The following ATP8A2 variants were observed in gnomAD, a reference collection of about 807,000 sequenced individuals.
The protein encoded by ATP8A2 is phospholipid-transporting ATPase IB.
Under a neutral mutation model 165.6 loss-of-function variants are expected in ATP8A2, and 100 were observed. The observed-to-expected ratio is 0.60, with a 90% CI of 0.51 to 0.71. The LOEUF is 0.71. ATP8A2 is among the 30% of genes least tolerant of loss of function. The pLI is 0.00. For missense variants in ATP8A2, 1,227 were observed against 1,479.5 expected (o/e 0.83, Z 2.80); for synonymous variants, 543 against 548.8 (o/e 0.99, Z 0.15).
chr13:25,415,038 T>C (rs1216354088), intron 1 of ATP8A2, among the ~76,000 whole-genome samples: 5 of 152,178 alleles, frequency 3.3e-5, no homozygotes, highest in Admixed American at 6.5e-5. Flanking sequence ...TATAGAGAGA[T>C]GGTTTCGGAG....
intron 25 of ATP8A2, among the ~76,000 whole-genome samples, chr13:25,745,825 GT>G (rs1181478917): frequency 6.6e-5 from 10 of 152,192 alleles, no homozygotes; most frequent in Non-Finnish European, 1.3e-4. Flanking sequence ...AACCACCTGA[GT>G]TTTTTGAATC....
chr13:25,577,126 CTG>C lies in ATP8A2; in HGVS notation c.1772_1773del (p.Cys591Ter), dbSNP rs1566290766. On this transcript the variant is annotated frameshift_variant, in exon 20 of 37. Coordinates refer to ENST00000381655, the MANE Select transcript of ATP8A2 (RefSeq NM_016529.6). LOFTEE classifies it high-confidence loss of function. ...RTPSGRLRLY[C>X]KGADNVIFER... The stretch of plus-strand genomic sequence containing the variant: ...CTCCTTCAGGACGACTTCGGCTTTA[CTG>C]TAAAGGGGCTGTAAGTACCGGAGAA... 6.2e-7 allele frequency: 1 copy of C among 1,613,860 alleles called. No homozygotes were observed. The highest frequency in any genetic ancestry group is 1.7e-5 in the Admixed American group (1 of 60,012).
Position 25,965,203 on chromosome 13 carries a change from C to A in ATP8A2, c.3273-3372C>A, listed in dbSNP as rs530000813. ...AAATTCCAGATTAAGGCAGGCCTGCCTTTTCAAGTATATTTCTGTGAGCAC... is the reference window on the plus strand; with the variant it reads ...AAATTCCAGATTAAGGCAGGCCTGCATTTTCAAGTATATTTCTGTGAGCAC... On this transcript the variant is annotated intron_variant, in intron 34 of 36. Transcript: ENST00000381655. 2.6e-5 allele frequency among the ~76,000 whole-genome samples: 4 copies of A among 152,278 alleles called. No homozygotes were observed. The East Asian group carries it at 7.7e-4, about 29-fold the overall frequency.
intron 1 of ATP8A2, among the ~76,000 whole-genome samples, chr13:25,440,621 T>C (rs1409164642): frequency 6.6e-6 from 1 of 152,122 alleles, no homozygotes; most frequent in Non-Finnish European, 1.5e-5. Flanking sequence ...AAGATATTGC[T>C]CCATAGGTAA....
intron 24 of ATP8A2, among the ~76,000 whole-genome samples, chr13:25,683,159 ATAGGATGAAATAG>A (rs140750455): frequency 0.035 from 5,374 of 152,284 alleles, 296 homozygotes; most frequent in African/African-American, 0.12. Context: ...GTAATGGTGT[ATAGGATGAAATAG>A]ACCAGGAAAC....
chr13:25,518,052 T>A (rs73479675), intron 2 of ATP8A2, among the ~76,000 whole-genome samples: 3,522 of 152,304 alleles, frequency 0.023, 144 homozygotes, highest in African/African-American at 0.08. Flanking sequence ...GGCTCCCAGG[T>A]ATGCAGTGAT....
At chr13:25,531,410 TTA>T (rs560018950) in intron 4 of ATP8A2, among the ~76,000 whole-genome samples, 1,470 of 58,778 alleles carry the variant, frequency 0.025, 103 homozygotes, top group African/African-American at 0.077. Flanking sequence ...ATATATATGA[TTA>T]TATATATGAT....
At chr13:25,396,601 C>A (rs1254749830) in intron 1 of ATP8A2, among the ~76,000 whole-genome samples, 1 of 152,076 alleles carries the variant, frequency 6.6e-6, no homozygotes, top group Non-Finnish European at 1.5e-5. Context: ...TGCCCTTGAC[C>A]CCGGGTAGCC....
intron 24 of ATP8A2, among the ~76,000 whole-genome samples, chr13:25,620,938 A>G (rs765302665): frequency 4.3e-4 from 66 of 152,148 alleles, no homozygotes; most frequent in Admixed American, 2.0e-4. Flanking sequence ...AATAAGAAAA[A>G]CCTCAACAGA....
intron 24 of ATP8A2, among the ~76,000 whole-genome samples, chr13:25,658,599 AT>A (rs2041984575): frequency 6.6e-6 from 1 of 152,176 alleles, no homozygotes; most frequent in Non-Finnish European, 1.5e-5. Flanking sequence ...AGATCGCACC[AT>A]TGCACTCCAG....
chr13:26,025,257 C>G lies in ATP8A2; in HGVS notation c.*5272C>G, dbSNP rs1230147476. On this transcript the variant is annotated 3_prime_UTR_variant, in exon 37 of 37. Transcript: ENST00000381655. Reference sequence around the variant, plus strand: ...GTCAGTACTGAAACTCCTACTCTCCCCTCCCGCCCCACTCTCCCCCGTTGC... The same window carrying G: ...GTCAGTACTGAAACTCCTACTCTCCGCTCCCGCCCCACTCTCCCCCGTTGC... 1 of 152,194 alleles carries G rather than the reference C, an allele frequency of 6.6e-6. No individual in the cohort carries two copies. Among genetic ancestry groups the G allele is most frequent in the Non-Finnish European group, 1.5e-5 (1 of 68,080 alleles). 9.4% of individuals were successfully genotyped at this position (152,194 alleles called of 1,614,324 possible). A position where few individuals can be genotyped will look rare whatever the true frequency, so the allele number is the denominator to read the frequency against.
At position 25,372,499 on chromosome 13, in the gene ATP8A2, G is replaced by C. The variant is rs1593219638; in HGVS notation, c.76+211G>C. ...CTGCGGGGCCAAAAGGCTCCAGGCC[G>C]GGGCGAGGTGAGCGGCGGGCGTCAG... is the stretch of plus-strand genomic sequence containing the variant. On this transcript the variant is annotated intron_variant, in intron 1 of 36. Coordinates refer to ENST00000381655, the MANE Select transcript of ATP8A2 (RefSeq NM_016529.6). The surrounding 1 kb of genome is among the most constrained non-coding windows in gnomAD (Gnocchi z 4.8). Among the ~76,000 whole-genome samples the C allele has an allele frequency of 2.6e-5, 4 of 152,302 alleles. No homozygotes were observed. The highest frequency in any genetic ancestry group is 2.1e-4 in the South Asian group (1 of 4,832).
chr13:25,921,174 G>A (rs570915034), intron 33 of ATP8A2, among the ~76,000 whole-genome samples: 17 of 152,232 alleles, frequency 1.1e-4, no homozygotes, highest in East Asian at 5.8e-4. Flanking sequence ...CTCCCATTGC[G>A]TTGTAAAAGC....
chr13:25,598,355 A>C (rs1251501543), intron 24 of ATP8A2, among the ~76,000 whole-genome samples: 1 of 152,016 alleles, frequency 6.6e-6, no homozygotes, highest in Non-Finnish European at 1.5e-5. Flanking sequence ...TTCTGTATAC[A>C]TTTTAGAATC....
intron 2 of ATP8A2, among the ~76,000 whole-genome samples, chr13:25,510,990 C>G (rs1399068201): frequency 1.3e-5 from 2 of 152,206 alleles, no homozygotes; most frequent in African/African-American, 2.4e-5. Context: ...CCAAAGGCAA[C>G]CACTTTGAAC....
chr13:25,772,556 C>A (rs181749681), intron 26 of ATP8A2, among the ~76,000 whole-genome samples: 2 of 151,928 alleles, frequency 1.3e-5, no homozygotes, highest in Non-Finnish European at 2.9e-5. Flanking sequence ...GTGGTGAGCC[C>A]CGCGCCTTCC....
intron 24 of ATP8A2, among the ~76,000 whole-genome samples, chr13:25,602,842 C>T (rs995938767): frequency 4.0e-5 from 6 of 151,720 alleles, no homozygotes; most frequent in South Asian, 4.2e-4. Context: ...GAGGCAGAGG[C>T]GGGCAGATCA....
intron 24 of ATP8A2, among the ~76,000 whole-genome samples, chr13:25,680,734 G>C (rs1256921104): frequency 6.6e-6 from 1 of 152,222 alleles, no homozygotes; most frequent in Non-Finnish European, 1.5e-5. Flanking sequence ...CAGTCTCTTT[G>C]AAAGCAAAGT....
intron 35 of ATP8A2, among the ~76,000 whole-genome samples, chr13:25,996,999 A>G (rs925088016): frequency 6.6e-6 from 1 of 151,824 alleles, no homozygotes; most frequent in East Asian, 1.9e-4. Flanking sequence ...TTGTATTTTT[A>G]GTAGAGACAG....
Sources: allele counts gnomAD v4.1 joint callset (sites outside exome capture counted in the v4.1 genomes callset), GRCh38; gene constraint gnomAD v4.1.1; non-coding constraint Gnocchi (gnomAD v3.1); transcripts MANE v1.5; gene names NCBI Gene and HGNC (gene_info 2026-07-23, HGNC 2026-07-21).